The following TCL1A variants were observed in gnomAD, a reference collection of about 807,000 sequenced individuals.
The protein encoded by TCL1A is TCL1 family AKT coactivator A.
Under a neutral mutation model 16.9 loss-of-function variants are expected in TCL1A, and 9 were observed. The observed-to-expected ratio is 0.53, with a 90% CI of 0.32 to 0.93. TCL1A has a LOEUF of 0.93. Ranked by LOEUF, TCL1A falls within the 40% of genes least tolerant of loss-of-function variation. TCL1A has a pLI of 0.04. For synonymous variants in TCL1A, 69 were observed against 63.2 expected, an observed-to-expected ratio of 1.09 and a Z score of -0.44; for missense variants, 139 against 153.0, an observed-to-expected ratio of 0.91 and a Z score of 0.48.
At chr14:95,713,747 C>T (rs562847448) in intron 1 of TCL1A, among the ~76,000 whole-genome samples, 200 bp downstream of exon 1, 1 of 152,290 alleles carries the variant, frequency 6.6e-6, no homozygotes, top group South Asian at 2.1e-4. Context: ...GACCGACATT[C>T]CTTTGCGGTT....
At chr14:95,712,503 A>AG (rs924816075) in intron 1 of TCL1A, 107 bp from the exon 2 acceptor site, 1 of 1,508,954 alleles carries the variant, frequency 6.6e-7, no homozygotes, top group African/African-American at 1.4e-5. Flanking sequence ...CCATCTGGGC[A>AG]GGGGTCCGAG....
chr14:95,713,242 G>T (rs1050268484), intron 1 of TCL1A, among the ~76,000 whole-genome samples: 1 of 152,272 alleles, frequency 6.6e-6, no homozygotes, highest in Non-Finnish European at 1.5e-5. Flanking sequence ...GGACATACGT[G>T]TTCTAATATA....
In TCL1A at chr14:95,712,250, G is replaced by A. The variant is rs200115937; in HGVS notation, c.267C>T (p.Ser89=). Residue 89 remains serine, a synonymous_variant, in exon 2 of 4, where the codon TCC becomes TCT. Coordinates refer to ENST00000402399, the MANE Select transcript of TCL1A (RefSeq NM_021966.3). ...TGTGGTACACTAAGCGCCAGAAACT[G>A]GAGTCTGAGGATCGGTATCGTCCAT... is the stretch of plus-strand genomic sequence containing the variant. ...YPDGRYRSSD[S]SFWRLVYHIK... 1.5e-4 allele frequency: 240 copies of A among 1,614,020 alleles called. No individual in the cohort carries two copies. The highest frequency in any genetic ancestry group is 2.0e-4 in the Non-Finnish European group (238 of 1,180,032).
rs748550266 is a variant in TCL1A at position 95,712,370 on chromosome 14, C to T, written c.147G>A (p.Val49=). The T allele has an allele frequency of 1.2e-6, 2 of 1,613,062 alleles. No individual in the cohort carries two copies. Among genetic ancestry groups the T allele is most frequent in the African/African-American group, 1.3e-5 (1 of 75,016 alleles). ...IEIKDRLQLR[V]LLRREDVVLG... is the part of the protein sequence containing the mutation. ...GGACGACGTCTTCCCGACGCAAGAG[C>T]ACCCGTAACTGTAACCTATCCTTTA... The change falls in exon 2 of 4, where the codon GTG becomes GTA. Residue 49 remains valine, a synonymous_variant. Coordinates refer to ENST00000402399, the MANE Select transcript of TCL1A (RefSeq NM_021966.3).
chr14:95,711,225 C>T (rs995632471), intron 3 of TCL1A, among the ~76,000 whole-genome samples: 3 of 149,666 alleles, frequency 2.0e-5, no homozygotes, highest in Non-Finnish European at 3.0e-5. Context: ...TTTGGGAGGC[C>T]GAGGCGGGCA....
At chr14:95,712,040 G>C (rs1409409727) in intron 2 of TCL1A, 180 bp downstream of exon 2, 4 of 902,164 alleles carry the variant, frequency 4.4e-6, no homozygotes, top group African/African-American at 1.7e-5. Flanking sequence ...GGTTCTGTTA[G>C]AGACCTCAGA....
At position 95,712,292 on chromosome 14, in the gene TCL1A, C is replaced by T. The variant is rs774830071; in HGVS notation, c.225G>A (p.Met75Ile). ...ATCGTCCATCAGGGTAGAGCTGCCA[C>T]ATGATAGGCAGCAGGCTTGGGCCTA... ...TQIGPSLLPIMWQLYPDGRYR... is the reference protein window; with the variant it reads ...TQIGPSLLPIIWQLYPDGRYR... Residue 75 changes from methionine (M) to isoleucine (I), a missense_variant, in exon 2 of 4, where the codon ATG becomes ATA. By Grantham distance (10) the Met-to-Ile change is conservative (BLOSUM62 1). Coordinates refer to ENST00000402399, the MANE Select transcript of TCL1A (RefSeq NM_021966.3). 24 of 1,614,052 alleles carry T rather than the reference C, an allele frequency of 1.5e-5. No individual in the cohort carries two copies. Among genetic ancestry groups the T allele is most frequent in the Admixed American group, 3.3e-5 (2 of 60,002 alleles).
Position 95,713,694 on chromosome 14 carries a change from C to A in TCL1A, c.120+253G>T, listed in dbSNP as rs376398114. 7.9e-5 allele frequency among the ~76,000 whole-genome samples: 12 copies of A among 152,326 alleles called. No individual in the cohort carries two copies. In the East Asian group the frequency reaches 2.1e-3, roughly 27 times the overall value. On this transcript the variant is annotated intron_variant, in intron 1 of 3. Coordinates refer to ENST00000402399, the MANE Select transcript of TCL1A (RefSeq NM_021966.3). ...AAGCCCAGAAAATGCCTGCTGTAGT[C>A]AACATTATAGTCACACTCCACAGGC...
At chr14:95,712,462 A>C (rs1886384407) in intron 1 of TCL1A, 66 bp from the exon 2 acceptor site, 8 of 1,540,072 alleles carry the variant, frequency 5.2e-6, no homozygotes, top group Non-Finnish European at 7.0e-6. Flanking sequence ...CCAGGCGCAG[A>C]AAACCGGAAT....
chr14:95,711,584 G>A (rs1266194399), intron 3 of TCL1A, 165 bp downstream of exon 3: 5 of 691,162 alleles, frequency 7.2e-6, no homozygotes, highest in Non-Finnish European at 1.2e-5. Flanking sequence ...CTCCCGAAGT[G>A]GTAAGGGAGA....
chr14:95,711,471 A>C (rs1455760964), intron 3 of TCL1A: 3 of 354,754 alleles, frequency 8.5e-6, no homozygotes, highest in South Asian at 4.3e-5. Flanking sequence ...TCATCTCAAA[A>C]AAAAAAAAAA....
chr14:95,713,807 C>T, intron 1 of TCL1A, 140 bp downstream of exon 1: 1 of 1,339,802 alleles, frequency 7.5e-7, no homozygotes, highest in Non-Finnish European at 1.0e-6. Flanking sequence ...CCTCCAGAGC[C>T]CGGCTCAAAG....
chr14:95,712,427 T>C, intron 1 of TCL1A, 31 bp from the exon 2 acceptor site: 1 of 1,565,412 alleles, frequency 6.4e-7, no homozygotes, highest in East Asian at 2.3e-5. Flanking sequence ...GGGCATACTT[T>C]CAGGTTCCGC....
At chr14:95,713,019 T>A (rs939927008) in intron 1 of TCL1A, among the ~76,000 whole-genome samples, 3 of 152,182 alleles carry the variant, frequency 2.0e-5, no homozygotes. Flanking sequence ...ATTTTGATTT[T>A]AAAAAAGTAA....
At chr14:95,711,619 C>CGGTGGTCG in intron 3 of TCL1A, 130 bp downstream of exon 3, 5 of 1,082,106 alleles carry the variant, frequency 4.6e-6, no homozygotes, top group Admixed American at 2.4e-5. Context: ...GGAAGCCTCT[C>CGGTGGTCG]CCATCCCTAG....
At chr14:95,713,438 C>T (rs181532547) in intron 1 of TCL1A, among the ~76,000 whole-genome samples, 4 of 152,240 alleles carry the variant, frequency 2.6e-5, no homozygotes, top group East Asian at 1.9e-4. Context: ...TGATTCAATA[C>T]CGGCGCTTAT....
intron 1 of TCL1A, among the ~76,000 whole-genome samples, chr14:95,713,647 A>G (rs1053155976): frequency 6.6e-6 from 1 of 152,276 alleles, no homozygotes; most frequent in South Asian, 2.1e-4. Flanking sequence ...AGAGATACCC[A>G]TTTTTAAGGA....
intron 1 of TCL1A, 134 bp downstream of exon 1, chr14:95,713,813 C>A: frequency 7.2e-7 from 1 of 1,390,466 alleles, no homozygotes. Flanking sequence ...GAGCCCGGCT[C>A]AAAGTGGCTT....
intron 2 of TCL1A, 146 bp downstream of exon 2, chr14:95,712,074 G>T: frequency 9.2e-7 from 1 of 1,088,638 alleles, no homozygotes; most frequent in Non-Finnish European, 1.4e-6. Flanking sequence ...CTCTGGTAAA[G>T]TCCTTTAGAA....
Sources: gnomAD v4.1 joint callset for allele counts (sites outside exome capture counted in the v4.1 genomes callset) on GRCh38, gnomAD v4.1.1 for gene constraint, MANE v1.5 for transcripts, NCBI Gene and HGNC (gene_info 2026-07-23, HGNC 2026-07-21) for gene names.